The following SIK2 variants were observed in gnomAD, a reference collection of about 807,000 sequenced individuals.
SIK2 encodes the protein salt inducible kinase 2, also known as serine/threonine-protein kinase SIK2.
In SIK2, 29 loss-of-function variants were observed where a neutral mutation model predicts 103.2. The observed-to-expected ratio is 0.28, with a 90% CI of 0.21 to 0.38. The LOEUF (loss-of-function observed/expected upper bound fraction) is 0.38, where lower values mean the gene tolerates loss of function less well. Ranked by LOEUF, SIK2 falls within the 10% of genes least tolerant of loss-of-function variation. The pLI, the probability that SIK2 is intolerant of heterozygous loss-of-function variation, is 1.00. For missense variants in SIK2, 879 were observed against 1,171.0 expected (o/e 0.75, Z 3.64); for synonymous variants, 412 against 446.1 (o/e 0.92, Z 0.96).
intron 14 of SIK2, 151 bp from the exon 15 acceptor site, chr11:111,723,345 C>A: frequency 1.3e-6 from 1 of 784,770 alleles, no homozygotes. Flanking sequence ...TTAAGAGACC[C>A]AACACAATTG....
intron 3 of SIK2, among the ~76,000 whole-genome samples, chr11:111,675,145 A>G (rs1372695757): frequency 6.6e-6 from 1 of 152,066 alleles, no homozygotes; most frequent in Non-Finnish European, 1.5e-5. Context: ...GGGTGACTCC[A>G]TTTCAGGCTA....
At position 111,701,874 on chromosome 11, in the gene SIK2, G is replaced by C. The variant is rs1181859122; in HGVS notation, c.727+299G>C. ...TTTAACGAAGCCCTTTGTAGATACA[G>C]ATTCACAACCATTTTACTCCAATAT... On this transcript the variant is annotated intron_variant, in intron 6 of 14. Transcript: ENST00000304987. This position sits in a 1 kb window ranked among gnomAD's most constrained non-coding sequence, Gnocchi z 4.2. Among the ~76,000 whole-genome samples, 1 of 152,080 alleles carries C rather than the reference G, an allele frequency of 6.6e-6. No individual in the cohort carries two copies. Among genetic ancestry groups the C allele is most frequent in the Non-Finnish European group, 1.5e-5 (1 of 68,016 alleles).
At chr11:111,695,164 T>C (rs1201126507) in intron 4 of SIK2, among the ~76,000 whole-genome samples, 1 of 152,218 alleles carries the variant, frequency 6.6e-6, no homozygotes, top group African/African-American at 2.4e-5. Context: ...TCACTCCTAT[T>C]ATAATTACAA....
chr11:111,654,715 A>G (rs1315412146), intron 3 of SIK2, among the ~76,000 whole-genome samples: 2 of 152,144 alleles, frequency 1.3e-5, no homozygotes, highest in African/African-American at 4.8e-5. Context: ...AGAATTGTAC[A>G]TTTTTCTGCT....
chr11:111,671,547 G>A, intron 3 of SIK2: 1 of 321,498 alleles, frequency 3.1e-6, no homozygotes, highest in South Asian at 3.1e-5. Context: ...TCTGGTACAT[G>A]CTCTCAGCCT....
chr11:111,650,170 A>G (rs1390443385), intron 3 of SIK2, among the ~76,000 whole-genome samples: 3 of 152,012 alleles, frequency 2.0e-5, no homozygotes, highest in Admixed American at 2.0e-4. Context: ...ATTTAGATAC[A>G]TTTTAAATCT....
intron 4 of SIK2, among the ~76,000 whole-genome samples, chr11:111,692,266 G>C (rs556893467): frequency 1.1e-3 from 159 of 138,552 alleles, no homozygotes; most frequent in African/African-American, 3.9e-3. Flanking sequence ...CAGGAGAATT[G>C]CTTGAACCCA....
chr11:111,715,794 T>TG, intron 9 of SIK2, among the ~76,000 whole-genome samples: 1 of 47,812 alleles, frequency 2.1e-5, no homozygotes, highest in Non-Finnish European at 4.6e-5. Flanking sequence ...CATTTTTAGC[T>TG]TTTTTTTTTT....
chr11:111,667,565 C>G (rs1182721306), intron 3 of SIK2, among the ~76,000 whole-genome samples: 1 of 147,570 alleles, frequency 6.8e-6, no homozygotes, highest in African/African-American at 2.5e-5. Flanking sequence ...AATCTCAGCT[C>G]ACTGCAACCT....
intron 2 of SIK2, among the ~76,000 whole-genome samples, chr11:111,619,432 C>T (rs1267109702): frequency 6.6e-6 from 1 of 151,962 alleles, no homozygotes; most frequent in Non-Finnish European, 1.5e-5. Context: ...TTTCATCTGT[C>T]GCCCAGATAC....
chr11:111,678,834 C>A (rs572221074), intron 3 of SIK2, among the ~76,000 whole-genome samples: 1 of 152,228 alleles, frequency 6.6e-6, no homozygotes, highest in East Asian at 1.9e-4. Context: ...GAATAAAACC[C>A]CCTTTAAGGG....
intron 3 of SIK2, among the ~76,000 whole-genome samples, chr11:111,639,069 A>G (rs1215321423): frequency 6.6e-6 from 1 of 152,166 alleles, no homozygotes; most frequent in East Asian, 1.9e-4. Context: ...TGGTCCTTCT[A>G]AGGTTTCTAC....
chr11:111,693,384 A>G (rs896064516), intron 4 of SIK2, among the ~76,000 whole-genome samples: 1 of 151,972 alleles, frequency 6.6e-6, no homozygotes, highest in African/African-American at 2.4e-5. Flanking sequence ...CACCCACACC[A>G]GTGTGTACTC....
At chr11:111,605,265 A>G (rs368338110) in intron 1 of SIK2, among the ~76,000 whole-genome samples, 40 of 152,276 alleles carry the variant, frequency 2.6e-4, no homozygotes, top group African/African-American at 9.4e-4. Context: ...GCCTGGCCCA[A>G]TTGTTTCTTA....
rs550116637 is a variant in SIK2, at chr11:111,616,148, C to T, written c.136-95C>T. ...TGCTATCATCAGTGTCAGGAACCTA[C>T]AGGTGAAGTCTCATGTCATTTATTG... On this transcript the variant is annotated intron_variant, in intron 1 of 14. Coordinates refer to ENST00000304987, the MANE Select transcript of SIK2 (RefSeq NM_015191.3). 177 of 748,726 alleles carry T rather than the reference C, an allele frequency of 2.4e-4. No homozygotes were observed. In the African/African-American group the frequency reaches 2.7e-3, roughly 11 times the overall value. 46.4% of individuals were successfully genotyped at this position (748,726 alleles called of 1,614,324 possible). A position where few individuals can be genotyped will look rare whatever the true frequency, so the allele number is the denominator to read the frequency against.
At chr11:111,611,279 G>A (rs1941723631) in intron 1 of SIK2, among the ~76,000 whole-genome samples, 1 of 151,174 alleles carries the variant, frequency 6.6e-6, no homozygotes, top group Admixed American at 6.6e-5. Flanking sequence ...ATAAATCTTT[G>A]TCCTCATTTC....
intron 3 of SIK2, among the ~76,000 whole-genome samples, chr11:111,657,813 T>C (rs1428217518): frequency 6.6e-5 from 10 of 152,034 alleles, no homozygotes. Flanking sequence ...ATGAGGTTTA[T>C]ATGAGAACAA....
chr11:111,604,123 G>T (rs143557156), intron 1 of SIK2, among the ~76,000 whole-genome samples: 1 of 152,372 alleles, frequency 6.6e-6, no homozygotes, highest in African/African-American at 2.4e-5. Context: ...TAGATTGTTT[G>T]TAATGATAAT....
intron 3 of SIK2, among the ~76,000 whole-genome samples, chr11:111,657,105 A>G (rs1042952009): frequency 6.6e-6 from 1 of 152,246 alleles, no homozygotes; most frequent in East Asian, 1.9e-4. Flanking sequence ...ACATATTTAC[A>G]TAACAAAGCT....
Sources: gnomAD v4.1 joint callset for allele counts (sites outside exome capture counted in the v4.1 genomes callset) on GRCh38, gnomAD v4.1.1 for gene constraint, Gnocchi (gnomAD v3.1) non-coding constraint, MANE v1.5 for transcripts, NCBI Gene and HGNC (gene_info 2026-07-23, HGNC 2026-07-21) for gene names.